Variants in SPOP observed in about 807,000 individuals in gnomAD.
SPOP encodes speckle type BTB/POZ protein.
In SPOP, 11 loss-of-function variants were observed where a neutral mutation model predicts 45.6. The ratio of observed to expected loss-of-function variants is 0.24; its 90% CI spans 0.15 to 0.40. The LOEUF is 0.40. Ranked by LOEUF, SPOP falls within the 10% of genes least tolerant of loss-of-function variation. The pLI is 1.00. For synonymous variants in SPOP, 166 were observed against 166.3 expected (o/e 1.00, Z 0.01); for missense variants, 152 against 465.6 (o/e 0.33, Z 6.20).
intron 1 of SPOP, among the ~76,000 whole-genome samples, chr17:49,676,982 A>C: frequency 6.6e-6 from 1 of 152,234 alleles, no homozygotes; most frequent in East Asian, 1.9e-4. Context: ...GTTACAGAGC[A>C]CCAATAAGGT....
intron 1 of SPOP, among the ~76,000 whole-genome samples, chr17:49,635,042 T>G (rs1440011577): frequency 6.6e-6 from 1 of 152,224 alleles, no homozygotes; most frequent in Non-Finnish European, 1.5e-5. Context: ...GGGAGGTATA[T>G]GTATGTTTTT....
chr17:49,606,495 CTTTTTTTTTTTTT>C (rs71146920), intron 8 of SPOP, among the ~76,000 whole-genome samples: 2 of 69,336 alleles, frequency 2.9e-5, no homozygotes, highest in East Asian at 3.9e-4. Flanking sequence ...TTTCTTTTTT[CTTTTTTTTTTTTT>C]TTTTTTTGGA....
chr17:49,600,930 T>C lies in SPOP; in HGVS notation c.981-408A>G, dbSNP rs1321158216. 4 of 172,112 alleles carry C rather than the reference T, an allele frequency of 2.3e-5. No homozygotes were observed. The highest frequency in any genetic ancestry group is 3.8e-5 in the Non-Finnish European group (3 of 78,984). The allele number at this position is 172,112 out of a possible 1,614,324, so 10.7% of individuals were successfully genotyped here. Reference sequence around the variant, plus strand: ...GGCAGATCAGAGCCTGGGGCCTACTTGATTATCAAAAAAGAGGGGAGGATA... The same window carrying C: ...GGCAGATCAGAGCCTGGGGCCTACTCGATTATCAAAAAAGAGGGGAGGATA... On this transcript the variant is annotated intron_variant, in intron 9 of 9. Coordinates refer to ENST00000504102, the MANE Select transcript of SPOP (RefSeq NM_001007228.2). The surrounding 1 kb of genome is among the most constrained non-coding windows in gnomAD (Gnocchi z 4.2).
Position 49,619,355 on chromosome 17 carries a change from A to G in SPOP, c.231T>C (p.Asp77=), listed in dbSNP as rs1047630305. The part of the protein sequence containing the change: ...WCLRVNPKGL[D]EESKDYLSLY... ...GTGACAGGTAATCTTTGCTTTCTTC[A>G]TCTAACCCTTTGGGGTTTACTCGCA... Residue 77 remains aspartate (D), a synonymous_variant, in exon 4 of 10, where the codon GAT becomes GAC. Coordinates refer to ENST00000504102, the MANE Select transcript of SPOP (RefSeq NM_001007228.2). The surrounding 1 kb of genome is among the most constrained non-coding windows in gnomAD (Gnocchi z 4.9). The G allele has an allele frequency of 5.6e-6, 9 of 1,614,032 alleles. No homozygotes were observed. The highest frequency in any genetic ancestry group is 4.0e-5 in the African/African-American group (3 of 74,908).
rs184796364 is a variant in SPOP at position 49,600,769 on chromosome 17, G to A, written c.981-247C>T. On this transcript the variant is annotated intron_variant, in intron 9 of 9. Transcript: ENST00000504102. The surrounding 1 kb of genome is among the most constrained non-coding windows in gnomAD (Gnocchi z 4.2). ...TATTCTCAAAAACAAAAAGCAGAATGTTCCCCAGGCCCCCAACACTGCCTA... is the reference window on the plus strand; with the variant it reads ...TATTCTCAAAAACAAAAAGCAGAATATTCCCCAGGCCCCCAACACTGCCTA... 102 of 480,026 alleles carry A rather than the reference G, an allele frequency of 2.1e-4. 1 individual carries two copies. Among genetic ancestry groups the A allele is most frequent in the African/African-American group, 1.9e-3 (97 of 51,548 alleles). The allele number at this position is 480,026 out of a possible 1,614,324, so 29.7% of individuals were successfully genotyped here.
At chr17:49,641,020 T>C in intron 1 of SPOP, among the ~76,000 whole-genome samples, 1 of 152,036 alleles carries the variant, frequency 6.6e-6, no homozygotes, top group Non-Finnish European at 1.5e-5. Context: ...ACCAGCACTT[T>C]GATATGCCGA....
chr17:49,620,702 CAG>C (rs745882043), intron 3 of SPOP: 30 of 154,094 alleles, frequency 1.9e-4, no homozygotes, highest in Middle Eastern at 5.1e-4. Context: ...AAAATTCAGA[CAG>C]AATAGGTTCA....
chr17:49,629,622 C>G (rs181662389), intron 1 of SPOP, among the ~76,000 whole-genome samples: 1 of 152,278 alleles, frequency 6.6e-6, no homozygotes, highest in East Asian at 1.9e-4. Flanking sequence ...ATTCCCTGTA[C>G]AATAAAGGAA....
At chr17:49,670,323 G>A (rs556700224) in intron 1 of SPOP, among the ~76,000 whole-genome samples, 197 of 152,288 alleles carry the variant, frequency 1.3e-3, no homozygotes, top group African/African-American at 4.3e-3. Context: ...ATAGCCTTTC[G>A]GAGAGATTCA....
chr17:49,663,232 C>A (rs566816231), intron 1 of SPOP, among the ~76,000 whole-genome samples: 1 of 152,324 alleles, frequency 6.6e-6, no homozygotes, highest in Admixed American at 6.5e-5. Flanking sequence ...AAAGGAGCCT[C>A]AACCCTACTG....
intron 1 of SPOP, chr17:49,646,113 T>A (rs1354628086): frequency 6.6e-6 from 1 of 152,186 alleles, no homozygotes; most frequent in Non-Finnish European, 1.5e-5. Context: ...AAATCAAACT[T>A]ACCTGTACAT....
chr17:49,638,888 T>C (rs1205651789), intron 1 of SPOP, among the ~76,000 whole-genome samples: 1 of 152,016 alleles, frequency 6.6e-6, no homozygotes, highest in Non-Finnish European at 1.5e-5. Context: ...TGACGGGCGT[T>C]TATAATCCCA....
At chr17:49,611,228 G>A (rs1308547913) in intron 6 of SPOP, 52 bp downstream of exon 6, 1 of 1,578,524 alleles carries the variant, frequency 6.3e-7, no homozygotes, top group African/African-American at 1.4e-5. Flanking sequence ...GCAATCACTT[G>A]TTTTTCCTTA....
intron 8 of SPOP, among the ~76,000 whole-genome samples, chr17:49,605,557 G>A (rs760946477): frequency 3.9e-5 from 6 of 151,964 alleles, no homozygotes; most frequent in Non-Finnish European, 8.8e-5. Context: ...GGGTGTGGTG[G>A]TGCATGCCTG....
chr17:49,635,147 CCTCTT>C (rs1402107712), intron 1 of SPOP, among the ~76,000 whole-genome samples: 1 of 152,088 alleles, frequency 6.6e-6, no homozygotes, highest in Non-Finnish European at 1.5e-5. Flanking sequence ...AAATAAATTC[CCTCTT>C]CTAACATTAT....
intron 1 of SPOP, among the ~76,000 whole-genome samples, chr17:49,633,005 C>A (rs1322961775): frequency 6.6e-6 from 1 of 152,164 alleles, no homozygotes; most frequent in African/African-American, 2.4e-5. Flanking sequence ...AGATGTAGAA[C>A]ACATTTCTGG....
intron 1 of SPOP, among the ~76,000 whole-genome samples, chr17:49,653,104 T>TC (rs1056357864): frequency 1.3e-5 from 2 of 152,160 alleles, no homozygotes; most frequent in South Asian, 2.1e-4. Context: ...TCATTTTTTT[T>TC]CCCCCTCATC....
chr17:49,617,009 G>C (rs538664820), intron 5 of SPOP, among the ~76,000 whole-genome samples: 1 of 152,348 alleles, frequency 6.6e-6, no homozygotes, highest in South Asian at 2.1e-4. Flanking sequence ...CACAGGATAA[G>C]AGACTGCCAA....
intron 7 of SPOP, among the ~76,000 whole-genome samples, 187 bp downstream of exon 7, chr17:49,607,687 A>G (rs1296605240): frequency 6.6e-6 from 1 of 152,180 alleles, no homozygotes. Context: ...GCCTCATTTA[A>G]TAAGTCAATC....
Sources: gnomAD v4.1 joint callset for allele counts (sites outside exome capture counted in the v4.1 genomes callset) on GRCh38, gnomAD v4.1.1 for gene constraint, Gnocchi (gnomAD v3.1) non-coding constraint, MANE v1.5 for transcripts, NCBI Gene and HGNC (gene_info 2026-07-23, HGNC 2026-07-21) for gene names.